Variants in PLPP1 observed in about 807,000 individuals in gnomAD.
The protein encoded by PLPP1 is lipid phosphate phosphohydrolase 1a.
Under a neutral mutation model 31.2 loss-of-function variants are expected in PLPP1, and 24 were observed. The ratio of observed to expected loss-of-function variants is 0.77; its 90% CI spans 0.56 to 1.08. PLPP1 has a LOEUF of 1.08. Among genes scored for constraint, PLPP1 ranks in the 50% least tolerant of loss-of-function variants. The pLI, the probability that PLPP1 is intolerant of heterozygous loss-of-function variation, is 0.00. For synonymous variants in PLPP1, 146 were observed against 126.3 expected (o/e 1.16, Z -1.05); for missense variants, 319 against 342.7 (o/e 0.93, Z 0.55).
In PLPP1 at chr5:55,534,707, C is replaced by T. The variant is rs1252691712; in HGVS notation, c.-78G>A. On this transcript the variant is annotated 5_prime_UTR_variant, in exon 1 of 6. Coordinates refer to ENST00000307259, the MANE Select transcript of PLPP1 (RefSeq NM_003711.4). Reference sequence around the variant, plus strand: ...GGCCGAGGCCCTTGATTCTCGAGCCCGGGCCGGGGCTGGCGACGGCCCCGA... The same window carrying T: ...GGCCGAGGCCCTTGATTCTCGAGCCTGGGCCGGGGCTGGCGACGGCCCCGA... The T allele has an allele frequency of 2.1e-6, 3 of 1,429,484 alleles. No homozygotes were observed. Among genetic ancestry groups the T allele is most frequent in the Non-Finnish European group, 1.9e-6 (2 of 1,066,036 alleles). The allele number at this position is 1,429,484 out of a possible 1,614,324, so 88.6% of individuals were successfully genotyped here.
intron 3 of PLPP1, 75 bp from the exon 4 acceptor site, chr5:55,441,983 C>A (rs1751632044): frequency 6.9e-7 from 1 of 1,439,672 alleles, no homozygotes; most frequent in South Asian, 1.2e-5. Flanking sequence ...TAAATCTGCT[C>A]CTTAGTTTCA....
intron 1 of PLPP1, among the ~76,000 whole-genome samples, chr5:55,518,288 T>A (rs1321345644): frequency 6.6e-6 from 1 of 152,156 alleles, no homozygotes; most frequent in Non-Finnish European, 1.5e-5. Context: ...GAAATTCTGA[T>A]TCATTAAATC....
At chr5:55,473,729 C>T (rs1235486834) in intron 2 of PLPP1, among the ~76,000 whole-genome samples, 1 of 152,054 alleles carries the variant, frequency 6.6e-6, no homozygotes, top group East Asian at 1.9e-4. Flanking sequence ...GCAATCATGG[C>T]TCACTGCAGG....
chr5:55,512,498 AAAG>A (rs1262267890), intron 1 of PLPP1, among the ~76,000 whole-genome samples: 135 of 11,418 alleles, frequency 0.012, 8 homozygotes, highest in African/African-American at 0.023. Flanking sequence ...GAAAGAAAGA[AAAG>A]AAAAGAAAAG....
intron 3 of PLPP1, among the ~76,000 whole-genome samples, chr5:55,449,296 A>G (rs1385579008): frequency 2.6e-5 from 4 of 152,240 alleles, no homozygotes; most frequent in African/African-American, 4.8e-5. Context: ...GGGTTAAACT[A>G]AACTTTCACA....
At chr5:55,524,965 A>G (rs994512107) in intron 1 of PLPP1, among the ~76,000 whole-genome samples, 1 of 152,160 alleles carries the variant, frequency 6.6e-6, no homozygotes, top group African/African-American at 2.4e-5. Flanking sequence ...ATAAAATAAC[A>G]GTTTTTCCAT....
At chr5:55,470,734 C>T (rs1752397579) in intron 2 of PLPP1, among the ~76,000 whole-genome samples, 1 of 152,202 alleles carries the variant, frequency 6.6e-6, no homozygotes. Context: ...CTTACCCTAA[C>T]CTTTGAGCCA....
rs1451514038 is a variant in PLPP1, at chr5:55,534,608, GC to G, written c.21del (p.Pro8ArgfsTer52). 1.6e-5 allele frequency: 25 copies of G among 1,557,858 alleles called. No individual in the cohort carries two copies. The highest frequency in any genetic ancestry group is 2.2e-5 in the Non-Finnish European group (25 of 1,153,984). On this transcript the variant is annotated frameshift_variant, in exon 1 of 6. Coordinates refer to ENST00000307259, the MANE Select transcript of PLPP1 (RefSeq NM_003711.4). LOFTEE classifies it high-confidence loss of function. Reference sequence around the variant, plus strand: ...CAGAGCACATCGAGGGCCACGTACGGCAGCCGCGTCTTGTCAAACATGGTCT... The same window carrying G: ...CAGAGCACATCGAGGGCCACGTACGGAGCCGCGTCTTGTCAAACATGGTCT... The part of the protein sequence containing the change: MFDKTR[L>X]PYVALDVLCV...
chr5:55,523,111 T>C (rs992714725), intron 1 of PLPP1, among the ~76,000 whole-genome samples: 7 of 152,076 alleles, frequency 4.6e-5, no homozygotes, highest in Non-Finnish European at 7.3e-5. Flanking sequence ...TGTGGGTACA[T>C]AGTAAATATA....
chr5:55,448,306 G>C lies in PLPP1; in HGVS notation c.492-6398C>G, dbSNP rs565816500. ...ACTCTCATATTGCACACTTTCTGGA[G>C]GATGGTTTGGAAATATCAATCAACA... On this transcript the variant is annotated intron_variant, in intron 3 of 5. Coordinates refer to ENST00000307259, the MANE Select transcript of PLPP1 (RefSeq NM_003711.4). Among the ~76,000 whole-genome samples the C allele has an allele frequency of 4.6e-5, 7 of 152,228 alleles. No homozygotes were observed. In the South Asian group the frequency reaches 1.5e-3, roughly 32 times the overall value.
At chr5:55,493,217 A>C (rs576352215) in intron 1 of PLPP1, among the ~76,000 whole-genome samples, 18 of 152,052 alleles carry the variant, frequency 1.2e-4, no homozygotes, top group African/African-American at 3.9e-4. Context: ...CAGGAGGGTG[A>C]GGCAGGAGGA....
chr5:55,505,111 T>G (rs1753245559), intron 1 of PLPP1, among the ~76,000 whole-genome samples: 1 of 152,108 alleles, frequency 6.6e-6, no homozygotes, highest in South Asian at 2.1e-4. Flanking sequence ...CTCTCTAAAT[T>G]CTAGAGAAAG....
chr5:55,443,192 A>AAAAAATATAT, intron 3 of PLPP1, among the ~76,000 whole-genome samples: 17 of 25,434 alleles, frequency 6.7e-4, no homozygotes, highest in East Asian at 1.5e-3. Flanking sequence ...AAAAAAAAAA[A>AAAAAATATAT]ATATATATAT....
At chr5:55,467,759 G>T (rs1483790358) in intron 3 of PLPP1, 110 bp downstream of exon 3, 1 of 1,210,378 alleles carries the variant, frequency 8.3e-7, no homozygotes, top group Non-Finnish European at 1.1e-6. Flanking sequence ...TCACCTCCCA[G>T]TGATAACACT....
intron 1 of PLPP1, among the ~76,000 whole-genome samples, chr5:55,503,733 C>CA (rs1491350528): frequency 1.4e-5 from 2 of 143,630 alleles, no homozygotes; most frequent in Admixed American, 6.9e-5. Flanking sequence ...GAGCAGAGGT[C>CA]GTGCCACTGC....
At chr5:55,509,890 AGCTGTTC>A (rs1753367673) in intron 1 of PLPP1, among the ~76,000 whole-genome samples, 1 of 152,202 alleles carries the variant, frequency 6.6e-6, no homozygotes, top group Non-Finnish European at 1.5e-5. Flanking sequence ...CTCATGGTAC[AGCTGTTC>A]GCTTTCTTTC....
At chr5:55,504,632 C>T (rs1721126107) in intron 1 of PLPP1, among the ~76,000 whole-genome samples, 1 of 150,756 alleles carries the variant, frequency 6.6e-6, no homozygotes, top group African/African-American at 2.4e-5. Flanking sequence ...TATACATACA[C>T]ATACACACTA....
At chr5:55,472,694 AAG>A (rs879389971) in intron 2 of PLPP1, among the ~76,000 whole-genome samples, 16 of 151,496 alleles carry the variant, frequency 1.1e-4, no homozygotes, top group East Asian at 5.8e-4. Context: ...TAAAGACAGA[AAG>A]AGAGAGAAAA....
intron 1 of PLPP1, among the ~76,000 whole-genome samples, chr5:55,511,160 G>A (rs899189891): frequency 2.0e-5 from 3 of 152,156 alleles, no homozygotes; most frequent in Non-Finnish European, 4.4e-5. Flanking sequence ...TAAATTGTTT[G>A]AAGAATAATC....
Sources: allele counts gnomAD v4.1 joint callset (sites outside exome capture counted in the v4.1 genomes callset), GRCh38; gene constraint gnomAD v4.1.1; transcripts MANE v1.5; gene names NCBI Gene and HGNC (gene_info 2026-07-23, HGNC 2026-07-21).